TDRP: variants seen among roughly 807,000 people sequenced by gnomAD.
TDRP encodes the protein testis development related protein, also known as testis development-related protein.
Under a neutral mutation model 10.5 loss-of-function variants are expected in TDRP, and 12 were observed. The observed-to-expected ratio is 1.15, with a 90% CI of 0.73 to 1.86. The LOEUF is 1.86. Ranked by LOEUF, TDRP falls within the 40% of genes most tolerant of loss-of-function variation. The pLI, the probability that TDRP is intolerant of heterozygous loss-of-function variation, is 0.00. For synonymous variants in TDRP, 139 were observed against 95.4 expected, an observed-to-expected ratio of 1.46 and a Z score of -2.67; for missense variants, 353 against 229.2, an observed-to-expected ratio of 1.54 and a Z score of -3.49.
At chr8:504,927 G>T (rs1039173942) in intron 1 of TDRP, among the ~76,000 whole-genome samples, 2 of 152,062 alleles carry the variant, frequency 1.3e-5, no homozygotes, top group Non-Finnish European at 2.9e-5. Context: ...TCCTTTTTAA[G>T]ATACATATTT....
At chr8:525,213 C>G (rs1248179395) in intron 1 of TDRP, among the ~76,000 whole-genome samples, 4 of 152,020 alleles carry the variant, frequency 2.6e-5, no homozygotes, top group Admixed American at 2.6e-4. Context: ...GATTATCTGG[C>G]AAAAATGTCC....
chr8:535,871 G>A (rs979909428), intron 1 of TDRP, among the ~76,000 whole-genome samples: 2 of 152,000 alleles, frequency 1.3e-5, no homozygotes, highest in African/African-American at 2.4e-5. Flanking sequence ...TGAGTGTAGG[G>A]GTGGAACCCA....
chr8:531,854 C>G (rs892607368), intron 1 of TDRP, among the ~76,000 whole-genome samples: 5 of 152,140 alleles, frequency 3.3e-5, no homozygotes, highest in Non-Finnish European at 7.3e-5. Context: ...CATTGAATCA[C>G]ACCACATATT....
chr8:512,440 T>TA (rs889455711), intron 1 of TDRP, among the ~76,000 whole-genome samples: 71 of 148,432 alleles, frequency 4.8e-4, no homozygotes, highest in Non-Finnish European at 7.9e-4. Context: ...TCAACAACAA[T>TA]AAAAAAAAAT....
chr8:495,410 G>C (rs1159149977), intron 1 of TDRP, among the ~76,000 whole-genome samples: 1 of 152,208 alleles, frequency 6.6e-6, no homozygotes, highest in African/African-American at 2.4e-5. Context: ...ACTTCTACAA[G>C]TGTAGATTTC....
intron 1 of TDRP, among the ~76,000 whole-genome samples, chr8:495,614 C>A (rs1801106580): frequency 6.6e-6 from 1 of 152,190 alleles, no homozygotes; most frequent in African/African-American, 2.4e-5. Flanking sequence ...CAGGGTTCAT[C>A]ATCACATTGC....
chr8:538,832 G>C (rs1419943244), intron 1 of TDRP, among the ~76,000 whole-genome samples: 1 of 152,194 alleles, frequency 6.6e-6, no homozygotes, highest in African/African-American at 2.4e-5. Context: ...CCCCCCATCA[G>C]ATCTAAAATC....
chr8:513,526 G>A (rs1041596710), intron 1 of TDRP, among the ~76,000 whole-genome samples: 7 of 152,172 alleles, frequency 4.6e-5, no homozygotes, highest in African/African-American at 1.4e-4. Flanking sequence ...GGGTGTCTAT[G>A]AAAATATCTC....
intron 1 of TDRP, among the ~76,000 whole-genome samples, chr8:515,159 G>C (rs1044002620): frequency 6.6e-6 from 1 of 152,118 alleles, no homozygotes. Context: ...TGTATGTTCT[G>C]TGCACAGCCA....
At chr8:526,460 A>G (rs1363277288) in intron 1 of TDRP, among the ~76,000 whole-genome samples, 2 of 152,208 alleles carry the variant, frequency 1.3e-5, no homozygotes, top group Admixed American at 6.5e-5. Context: ...TTCAGCATCA[A>G]TCGAAATTAT....
At chr8:518,760 A>T (rs1339245039) in intron 1 of TDRP, among the ~76,000 whole-genome samples, 2 of 150,202 alleles carry the variant, frequency 1.3e-5, no homozygotes, top group African/African-American at 2.4e-5. Context: ...AGATTCCACC[A>T]TTTTTTTTTT....
At chr8:502,049 T>C (rs1190347213) in intron 1 of TDRP, among the ~76,000 whole-genome samples, 1 of 152,238 alleles carries the variant, frequency 6.6e-6, no homozygotes, top group African/African-American at 2.4e-5. Flanking sequence ...CCCAGGCCTC[T>C]TCTTGGCATC....
At chr8:514,036 C>A (rs1444396815) in intron 1 of TDRP, among the ~76,000 whole-genome samples, 1 of 152,220 alleles carries the variant, frequency 6.6e-6, no homozygotes, top group Non-Finnish European at 1.5e-5. Flanking sequence ...CTGATCTACA[C>A]ATTCAATGAA....
At position 491,809 on chromosome 8, in the gene TDRP, C is replaced by T. The variant is rs529149173; in HGVS notation, c.*590G>A. The T allele has an allele frequency of 8.0e-7, 1 of 1,252,126 alleles. No individual in the cohort carries two copies. Among genetic ancestry groups the T allele is most frequent in the Non-Finnish European group, 1.0e-6 (1 of 999,806 alleles). 77.6% of individuals were successfully genotyped at this position (1,252,126 alleles called of 1,614,324 possible). A position where few individuals can be genotyped will look rare whatever the true frequency, so the allele number is the denominator to read the frequency against. ...ATACAAGAAGCTATTCCTCCCTCAG[C>T]AAAAGATGAACATGCATTTTAAGAT... On this transcript the variant is annotated 3_prime_UTR_variant, in exon 3 of 3. Transcript: ENST00000324079.
In TDRP at chr8:521,841, A is replaced by G. The variant is rs151153974; in HGVS notation, c.108+22809T>C. Among the ~76,000 whole-genome samples, 48 of 152,328 alleles carry G rather than the reference A, an allele frequency of 3.2e-4. 1 individual carries two copies. The highest frequency in any genetic ancestry group is 1.0e-3 in the African/African-American group (42 of 41,586). On this transcript the variant is annotated intron_variant, in intron 1 of 2. Transcript: ENST00000324079. ...TGGGTAATATGGACATTTTAACAAT[A>G]TAAGTCTTCCAAACCATCAACATGG...
At chr8:544,603 T>TGC in intron 1 of TDRP, 47 bp downstream of exon 1, 2 of 1,187,868 alleles carry the variant, frequency 1.7e-6, no homozygotes, top group African/African-American at 1.6e-5. Flanking sequence ...GCCCTCCACC[T>TGC]GCGCGCCCCC....
chr8:529,254 C>G (rs972908949), intron 1 of TDRP, among the ~76,000 whole-genome samples: 15 of 152,184 alleles, frequency 9.9e-5, no homozygotes, highest in African/African-American at 3.6e-4. Flanking sequence ...TATTAACCAT[C>G]ACATCCCCTA....
At chr8:494,701 G>A (rs1358325308) in intron 1 of TDRP, 104 bp from the exon 2 acceptor site, 2 of 999,698 alleles carry the variant, frequency 2.0e-6, no homozygotes, top group Non-Finnish European at 3.0e-6. Flanking sequence ...AAAAGAATTG[G>A]CAGAGCTTAC....
rs543618561 is a variant in TDRP at position 491,582 on chromosome 8, A to C, written c.*817T>G. 5 of 1,503,638 alleles carry C rather than the reference A, an allele frequency of 3.3e-6. No individual in the cohort carries two copies. In the South Asian group the frequency reaches 6.5e-5, roughly 20 times the overall value. 93.1% of individuals were successfully genotyped at this position (1,503,638 alleles called of 1,614,324 possible). A position where few individuals can be genotyped will look rare whatever the true frequency, so the allele number is the denominator to read the frequency against. The stretch of plus-strand genomic sequence containing the variant: ...TAAAAAAGAGGCACTTCAGTATTTT[A>C]TGCACAGTCTTAACTCTCTATAATG... On this transcript the variant is annotated 3_prime_UTR_variant, in exon 3 of 3. Coordinates refer to ENST00000324079, the MANE Select transcript of TDRP (RefSeq NM_001384899.1).
Sources: gnomAD v4.1 joint callset for allele counts (sites outside exome capture counted in the v4.1 genomes callset) on GRCh38, gnomAD v4.1.1 for gene constraint, MANE v1.5 for transcripts, NCBI Gene and HGNC (gene_info 2026-07-23, HGNC 2026-07-21) for gene names.